FOXP2: variants seen among roughly 807,000 people sequenced by gnomAD.
FOXP2 encodes the protein forkhead box P2.
In FOXP2, 12 loss-of-function variants were observed where a neutral mutation model predicts 115.8. The ratio of observed to expected loss-of-function variants is 0.10; its 90% CI spans 0.07 to 0.17. The LOEUF (loss-of-function observed/expected upper bound fraction) is 0.17. Among genes scored for constraint, FOXP2 ranks in the 10% least tolerant of loss-of-function variants. The pLI is 1.00. For missense variants in FOXP2, 629 were observed against 843.5 expected (o/e 0.75, Z 3.15); for synonymous variants, 328 against 297.7 (o/e 1.10, Z -1.05).
intron 16 of FOXP2, among the ~76,000 whole-genome samples, chr7:114,677,600 G>T (rs943128732): frequency 6.6e-6 from 1 of 152,104 alleles, no homozygotes. Context: ...TGTTTGCTTT[G>T]GGGTATAGGC....
chr7:114,533,555 T>C (rs1799240474), intron 2 of FOXP2, among the ~76,000 whole-genome samples: 1 of 151,942 alleles, frequency 6.6e-6, no homozygotes, highest in African/African-American at 2.4e-5. Context: ...AAATTCTTAA[T>C]TATTATATAG....
chr7:114,574,615 G>A (rs932846022), intron 3 of FOXP2, among the ~76,000 whole-genome samples: 1 of 151,702 alleles, frequency 6.6e-6, no homozygotes, highest in Non-Finnish European at 1.5e-5. Context: ...TACCCTGTTG[G>A]CACCTCATCT....
At chr7:114,602,624 A>G (rs753214525) in intron 3 of FOXP2, among the ~76,000 whole-genome samples, 1 of 152,078 alleles carries the variant, frequency 6.6e-6, no homozygotes, top group Non-Finnish European at 1.5e-5. Flanking sequence ...TTTCACCCCC[A>G]AAGCCTCCTT....
At chr7:114,252,158 A>T (rs1031673700) in intron 1 of FOXP2, among the ~76,000 whole-genome samples, 1 of 152,160 alleles carries the variant, frequency 6.6e-6, no homozygotes, top group African/African-American at 2.4e-5. Flanking sequence ...ATCATGGTGG[A>T]TAAGCTTTTT....
At chr7:114,265,890 G>A (rs1795881825) in intron 1 of FOXP2, among the ~76,000 whole-genome samples, 2 of 152,142 alleles carry the variant, frequency 1.3e-5, no homozygotes, top group South Asian at 4.1e-4. Flanking sequence ...CGAGGCTGGA[G>A]CTTGAGTGGC....
chr7:114,274,746 G>C (rs1324941026), intron 1 of FOXP2, among the ~76,000 whole-genome samples: 2 of 150,748 alleles, frequency 1.3e-5, no homozygotes, highest in African/African-American at 4.9e-5. Flanking sequence ...CACCCAGGTA[G>C]CTGGGACTGC....
upstream of FOXP2, among the ~76,000 whole-genome samples, chr7:114,158,181 G>A (rs1235586897): frequency 2.6e-5 from 4 of 151,976 alleles, no homozygotes; most frequent in Non-Finnish European, 5.9e-5. Flanking sequence ...AAATATAAGT[G>A]TGTTGTATAG....
intron 3 of FOXP2, among the ~76,000 whole-genome samples, chr7:114,568,930 A>G (rs1447558232): frequency 6.6e-6 from 1 of 151,964 alleles, no homozygotes. Flanking sequence ...ATGTTTTGTT[A>G]ATGCTGGAGA....
upstream of FOXP2, among the ~76,000 whole-genome samples, chr7:114,413,050 A>T (rs1435375685): frequency 3.9e-5 from 6 of 152,146 alleles, no homozygotes; most frequent in Non-Finnish European, 4.4e-5. Flanking sequence ...AATTGCTACT[A>T]CACTGCTTTC....
At chr7:114,288,189 T>A (rs1796511460) in intron 2 of FOXP2, 2 of 422,008 alleles carry the variant, frequency 4.7e-6, no homozygotes, top group Non-Finnish European at 9.4e-6. Context: ...TACTCTTTAG[T>A]TTTTTTGGTT....
intron 2 of FOXP2, among the ~76,000 whole-genome samples, chr7:114,470,865 G>A (rs1456275082): frequency 6.6e-6 from 1 of 151,810 alleles, no homozygotes; most frequent in Non-Finnish European, 1.5e-5. Flanking sequence ...TTCCCTTTGT[G>A]TTCTTGTTTT....
chr7:114,180,503 T>G (rs2129154948), intron 1 of FOXP2, among the ~76,000 whole-genome samples: 1 of 152,112 alleles, frequency 6.6e-6, no homozygotes, highest in Admixed American at 6.6e-5. Flanking sequence ...ATTTGAGATC[T>G]GAATTTACAG....
chr7:114,537,259 C>T (rs982554458), intron 3 of FOXP2, among the ~76,000 whole-genome samples: 2 of 151,352 alleles, frequency 1.3e-5, no homozygotes, highest in Non-Finnish European at 3.0e-5. Flanking sequence ...CTTTACATTT[C>T]AAAAGGATAA....
At chr7:114,465,086 T>C (rs952261587) in intron 2 of FOXP2, among the ~76,000 whole-genome samples, 36 of 152,232 alleles carry the variant, frequency 2.4e-4, no homozygotes, top group Non-Finnish European at 2.9e-5. Context: ...CTATCAATAT[T>C]AGATTGCTAA....
intron 2 of FOXP2, among the ~76,000 whole-genome samples, chr7:114,480,433 G>A (rs1414884551): frequency 6.6e-6 from 1 of 151,194 alleles, no homozygotes; most frequent in African/African-American, 2.4e-5. Flanking sequence ...CACTTTCCTA[G>A]TCTCTTTTAT....
intron 3 of FOXP2, among the ~76,000 whole-genome samples, chr7:114,578,231 T>G (rs1563011388): frequency 6.6e-6 from 1 of 152,012 alleles, no homozygotes; most frequent in Non-Finnish European, 1.5e-5. Context: ...ACATACTTTT[T>G]GCGTATCTAC....
chr7:114,628,615 G>T lies in FOXP2; in HGVS notation c.334G>T (p.Val112Phe), dbSNP rs1428334171. 4 of 1,614,072 alleles carry T rather than the reference G, an allele frequency of 2.5e-6. No homozygotes were observed. Among genetic ancestry groups the T allele is most frequent in the Non-Finnish European group, 3.4e-6 (4 of 1,179,980 alleles). Residue 112 changes from valine to phenylalanine, a missense_variant, in exon 4 of 17, where the codon GTC becomes TTC. Around this residue, in one of 9 missense-constraint regions of FOXP2, gnomAD observed 138 missense variants for 205.1 expected, o/e 0.67. Transcript: ENST00000350908. ...QQMQQILQQQVLSPQQLQALL... is the reference protein window; with the variant it reads ...QQMQQILQQQFLSPQQLQALL... ...AATGCAGCAGATCCTTCAGCAACAA[G>T]TCCTGTCTCCTCAGCAGCTACAAGC...
chr7:114,319,028 AC>A (rs1357739275), intron 2 of FOXP2, among the ~76,000 whole-genome samples: 1 of 152,146 alleles, frequency 6.6e-6, no homozygotes, highest in African/African-American at 2.4e-5. Context: ...GGGTTCCAAT[AC>A]CAGATTAGCT....
In FOXP2 at chr7:114,334,399, GTTAAT is replaced by G. The variant is rs201652723; in HGVS notation, c.-11+46296_-11+46300del. On this transcript the variant is annotated intron_variant, in intron 2 of 17. Transcript: ENST00000634411. ...TCTGAGCTAAAAAAAAAAAAAATCT[GTTAAT>G]TTAATGACCCTAGAGAGAATGATAA... 2.7e-3 allele frequency among the ~76,000 whole-genome samples: 404 copies of G among 151,602 alleles called. 3 individuals carry two copies. The highest frequency in any genetic ancestry group is 9.4e-3 in the African/African-American group (389 of 41,412).
Sources: gnomAD v4.1 joint callset for allele counts (sites outside exome capture counted in the v4.1 genomes callset) on GRCh38, gnomAD v4.1.1 for gene constraint, gnomAD v4.1.1 regional missense constraint, MANE v1.5 for transcripts, NCBI Gene and HGNC (gene_info 2026-07-23, HGNC 2026-07-21) for gene names.